SGCG: variants seen among roughly 807,000 people sequenced by gnomAD.
SGCG encodes the protein gamma-sarcoglycan.
SGCG carries 26 observed loss-of-function variants against 29.3 expected under a neutral mutation model. The observed-to-expected ratio is 0.89, with a 90% CI of 0.65 to 1.23. SGCG has a LOEUF of 1.23. Ranked by LOEUF, SGCG falls within the 50% of genes most tolerant of loss-of-function variation. The pLI, the probability that SGCG is intolerant of heterozygous loss-of-function variation, is 0.00. For synonymous variants in SGCG, 145 were observed against 129.7 expected (o/e 1.12, Z -0.80); for missense variants, 353 against 356.0 (o/e 0.99, Z 0.07).
intron 6 of SGCG, among the ~76,000 whole-genome samples, chr13:23,311,564 G>C (rs982792103): frequency 6.6e-6 from 1 of 152,198 alleles, no homozygotes; most frequent in African/African-American, 2.4e-5. Flanking sequence ...TACTCCTACA[G>C]GACAACTGGC....
At chr13:23,219,004 A>G (rs748601815) in intron 2 of SGCG, among the ~76,000 whole-genome samples, 169 of 149,092 alleles carry the variant, frequency 1.1e-3, no homozygotes, top group Non-Finnish European at 1.3e-3. Context: ...AGTTTTTTTT[A>G]ACAAATACTA....
intron 1 of SGCG, among the ~76,000 whole-genome samples, chr13:23,196,216 T>G: frequency 6.6e-6 from 1 of 152,186 alleles, no homozygotes; most frequent in East Asian, 1.9e-4. Context: ...CTTCTTCATT[T>G]AATGTCCAGT....
intron 6 of SGCG, among the ~76,000 whole-genome samples, chr13:23,314,407 T>TATATATATATATATATATATATAA (rs1439124394): frequency 1.4e-4 from 20 of 140,934 alleles, no homozygotes; most frequent in African/African-American, 4.0e-4. Context: ...TATATATATA[T>TATATATATATATATATATATATAA]AATCTTATTC....
chr13:23,165,855 G>A, the SGCG span, among the ~76,000 whole-genome samples: 73 of 152,126 alleles, frequency 4.8e-4, no homozygotes, highest in African/African-American at 1.7e-3. Context: ...TTCATTGCTG[G>A]CATTTATTAA....
rs1443765078 is a variant in SGCG, at chr13:23,324,649, C to A, written c.*108C>A. ...TGAGGCAGCGTGGATGGGAAGTAAA[C>A]GCTTCCAGAGGAACTCAGAAAAAAT... On this transcript the variant is annotated 3_prime_UTR_variant, in exon 8 of 8. Transcript: ENST00000218867. 1.0e-6 allele frequency: 1 copy of A among 995,762 alleles called. No individual in the cohort carries two copies. Among genetic ancestry groups the A allele is most frequent in the South Asian group, 1.4e-5 (1 of 73,978 alleles). 61.7% of individuals were successfully genotyped at this position (995,762 alleles called of 1,614,324 possible). A position where few individuals can be genotyped will look rare whatever the true frequency, so the allele number is the denominator to read the frequency against.
chr13:23,305,979 C>T (rs1445624212), intron 6 of SGCG, among the ~76,000 whole-genome samples: 1 of 152,170 alleles, frequency 6.6e-6, no homozygotes, highest in Non-Finnish European at 1.5e-5. Context: ...TCAAGCGATT[C>T]TCCCACCTCA....
intron 2 of SGCG, among the ~76,000 whole-genome samples, chr13:23,205,868 A>G (rs933647379): frequency 5.9e-5 from 9 of 152,328 alleles, no homozygotes; most frequent in East Asian, 3.9e-4. Context: ...CTTTAACAAA[A>G]TAAGAAAAAC....
Position 23,302,497 on chromosome 13 carries a change from A to G in SGCG, c.578+7010A>G, listed in dbSNP as rs577032135. On this transcript the variant is annotated intron_variant, in intron 6 of 7. Transcript: ENST00000218867. ...CATTATTGTATATTTTCAAATAACTAAAGGAGAGAATTTCAGATGTTCCCA... is the reference window on the plus strand; with the variant it reads ...CATTATTGTATATTTTCAAATAACTGAAGGAGAGAATTTCAGATGTTCCCA... 2.6e-5 allele frequency among the ~76,000 whole-genome samples: 4 copies of G among 152,190 alleles called. No individual in the cohort carries two copies. In the South Asian group the frequency reaches 8.3e-4, roughly 32 times the overall value.
chr13:23,214,772 C>T (rs1214560564), intron 2 of SGCG, among the ~76,000 whole-genome samples: 5 of 152,152 alleles, frequency 3.3e-5, no homozygotes, highest in East Asian at 3.8e-4. Flanking sequence ...AAGAAAAATA[C>T]AACGCTGTAG....
At chr13:23,170,131 T>G in the SGCG span, 1 of 152,214 alleles carries the variant, frequency 6.6e-6, no homozygotes, top group African/African-American at 2.4e-5. Flanking sequence ...TAAAATAATC[T>G]CTGTGAACAA....
chr13:23,320,786 C>CT (rs993949681), intron 7 of SGCG, 26 bp downstream of exon 7: 1 of 1,606,234 alleles, frequency 6.2e-7, no homozygotes, highest in African/African-American at 1.3e-5. Context: ...GATCAGCCTC[C>CT]TACTGTATGT....
chr13:23,211,921 G>A (rs1379910483), intron 2 of SGCG, among the ~76,000 whole-genome samples: 2 of 152,192 alleles, frequency 1.3e-5, no homozygotes, highest in African/African-American at 2.4e-5. Flanking sequence ...GTGTTGAGGT[G>A]CAGCCTGGTG....
chr13:23,185,112 T>A (rs575448426), intron 1 of SGCG, among the ~76,000 whole-genome samples: 1 of 152,158 alleles, frequency 6.6e-6, no homozygotes, highest in Admixed American at 6.5e-5. Context: ...GCATAAAAAA[T>A]TTTTCTTTAT....
intron 1 of SGCG, among the ~76,000 whole-genome samples, chr13:23,200,690 T>C (rs487583): frequency 0.82 from 124,360 of 151,954 alleles, 51,222 homozygotes; most frequent in Middle Eastern, 0.89. Context: ...CAGAGGAGCA[T>C]GGGGAGCTCT....
intron 2 of SGCG, among the ~76,000 whole-genome samples, chr13:23,213,409 A>C (rs1025154784): frequency 3.3e-5 from 5 of 152,148 alleles, no homozygotes; most frequent in African/African-American, 1.2e-4. Flanking sequence ...TTGAACCCAG[A>C]AAGTAGGGGT....
chr13:23,240,421 T>C (rs1228671472), intron 3 of SGCG, among the ~76,000 whole-genome samples: 1 of 152,178 alleles, frequency 6.6e-6, no homozygotes, highest in Middle Eastern at 3.2e-3. Flanking sequence ...GAGAAATGGA[T>C]ATAGAAACAG....
intron 6 of SGCG, among the ~76,000 whole-genome samples, chr13:23,319,268 C>G (rs1254642645): frequency 6.7e-6 from 1 of 149,572 alleles, no homozygotes; most frequent in Non-Finnish European, 1.5e-5. Context: ...ACTGTATTCT[C>G]TAGCCTGGGT....
chr13:23,171,763 A>G, the SGCG span, among the ~76,000 whole-genome samples: 2 of 152,170 alleles, frequency 1.3e-5, no homozygotes, highest in Non-Finnish European at 2.9e-5. Flanking sequence ...TCACACTCCT[A>G]TGAGAATCTC....
At chr13:23,219,240 G>T (rs1878559956) in intron 2 of SGCG, among the ~76,000 whole-genome samples, 1 of 151,730 alleles carries the variant, frequency 6.6e-6, no homozygotes, top group Non-Finnish European at 1.5e-5. Context: ...GTAGAGATGG[G>T]GTTTCATCGT....
Sources: gnomAD v4.1 joint callset for allele counts (sites outside exome capture counted in the v4.1 genomes callset) on GRCh38, gnomAD v4.1.1 for gene constraint, MANE v1.5 for transcripts, NCBI Gene and HGNC (gene_info 2026-07-23, HGNC 2026-07-21) for gene names.